Variants in MBD5 observed in about 807,000 individuals in gnomAD.
MBD5 encodes methyl-CpG binding domain protein 5, also known as methyl-CpG-binding domain protein 5.
In MBD5, 13 loss-of-function variants were observed where a neutral mutation model predicts 117.3. The observed-to-expected ratio is 0.11, with a 90% CI of 0.07 to 0.18. The LOEUF is 0.18. Among genes scored for constraint, MBD5 ranks in the 10% least tolerant of loss-of-function variants. The pLI, the probability that MBD5 is intolerant of heterozygous loss-of-function variation, is 1.00. For synonymous variants in MBD5, 727 were observed against 766.4 expected (o/e 0.95, Z 0.85); for missense variants, 1,879 against 2,093.8 (o/e 0.90, Z 2.00).
intron 4 of MBD5, among the ~76,000 whole-genome samples, chr2:148,385,879 AT>A (rs1266899165): frequency 6.7e-6 from 1 of 148,840 alleles, no homozygotes; most frequent in African/African-American, 2.5e-5. Flanking sequence ...CAAACACCAC[AT>A]GTTCTCACTC....
intron 1 of MBD5, among the ~76,000 whole-genome samples, chr2:148,069,774 T>C (rs1695302602): frequency 6.6e-6 from 1 of 152,156 alleles, no homozygotes; most frequent in African/African-American, 2.4e-5. Context: ...AGAAGCAAGA[T>C]TGTTAAGCCA....
intron 3 of MBD5, among the ~76,000 whole-genome samples, chr2:148,260,007 G>C (rs116149786): frequency 6.6e-6 from 1 of 152,146 alleles, no homozygotes; most frequent in Admixed American, 6.5e-5. Context: ...CCTCAATGTC[G>C]ACATCTGCTG....
chr2:148,287,363 A>C (rs1701389670), intron 3 of MBD5, among the ~76,000 whole-genome samples: 1 of 152,194 alleles, frequency 6.6e-6, no homozygotes, highest in Admixed American at 6.5e-5. Flanking sequence ...TGACCAACAA[A>C]ATTTTTGTCA....
chr2:148,462,047 G>T (rs1311624672), intron 5 of MBD5, among the ~76,000 whole-genome samples: 6 of 152,126 alleles, frequency 3.9e-5, no homozygotes, highest in African/African-American at 9.7e-5. Flanking sequence ...ACATGGGTAA[G>T]GGGGAGATAA....
intron 3 of MBD5, among the ~76,000 whole-genome samples, chr2:148,249,238 G>C (rs1700411104): frequency 6.6e-6 from 1 of 152,108 alleles, no homozygotes; most frequent in African/African-American, 2.4e-5. Context: ...ATTATTACAA[G>C]TTAGTATAAA....
rs1682354519 is a variant in MBD5 at position 148,516,946 on chromosome 2, T to C, written c.*4005T>C. ...TAACATCATGCCTTTATGGATTAAG[T>C]ATAAATACACTGGATTGTCTATGTA... On this transcript the variant is annotated 3_prime_UTR_variant, in exon 14 of 14. Transcript: ENST00000642680. 1 of 152,260 alleles carries C rather than the reference T, an allele frequency of 6.6e-6. No individual in the cohort carries two copies. Among genetic ancestry groups the C allele is most frequent in the Non-Finnish European group, 1.5e-5 (1 of 68,048 alleles). The allele number at this position is 152,260 out of a possible 1,614,324, so 9.4% of individuals were successfully genotyped here.
intron 4 of MBD5, among the ~76,000 whole-genome samples, chr2:148,434,077 G>C (rs1399620465): frequency 6.6e-6 from 1 of 151,794 alleles, no homozygotes; most frequent in African/African-American, 2.4e-5. Flanking sequence ...ACTCATTATT[G>C]GTCTGTTCAG....
At chr2:148,415,528 A>C (rs1705391311) in intron 4 of MBD5, among the ~76,000 whole-genome samples, 1 of 152,036 alleles carries the variant, frequency 6.6e-6, no homozygotes. Flanking sequence ...AGGTTTGGGA[A>C]ATTTTCATGG....
At chr2:148,260,917 T>C (rs1700716594) in intron 3 of MBD5, among the ~76,000 whole-genome samples, 1 of 152,204 alleles carries the variant, frequency 6.6e-6, no homozygotes, top group African/African-American at 2.4e-5. Flanking sequence ...TTGGCAAGCA[T>C]GAAAACACAT....
chr2:148,164,673 T>C (rs1343906894), intron 1 of MBD5, among the ~76,000 whole-genome samples: 1 of 152,230 alleles, frequency 6.6e-6, no homozygotes, highest in Non-Finnish European at 1.5e-5. Flanking sequence ...TAATTCTTGC[T>C]AAACTATAAG....
intron 1 of MBD5, among the ~76,000 whole-genome samples, chr2:148,057,617 T>G (rs1055796962): frequency 4.6e-5 from 7 of 151,958 alleles, no homozygotes; most frequent in Non-Finnish European, 7.4e-5. Flanking sequence ...ATTATAATTC[T>G]TAGAAACCCA....
intron 3 of MBD5, among the ~76,000 whole-genome samples, chr2:148,318,041 A>G (rs988341224): frequency 1.3e-5 from 2 of 152,212 alleles, no homozygotes; most frequent in African/African-American, 4.8e-5. Context: ...ACCAATTTCC[A>G]TAAAGGTTGT....
chr2:148,364,771 C>G (rs1374464886), intron 4 of MBD5, among the ~76,000 whole-genome samples: 1 of 152,162 alleles, frequency 6.6e-6, no homozygotes, highest in African/African-American at 2.4e-5. Flanking sequence ...GTAAAGGGAT[C>G]AATGCAACAA....
intron 3 of MBD5, among the ~76,000 whole-genome samples, chr2:148,297,775 G>C (rs1196136214): frequency 6.6e-6 from 1 of 151,642 alleles, no homozygotes. Flanking sequence ...CTACTACTTA[G>C]CTTATTTCTC....
chr2:148,497,998 G>A (rs548494780), intron 11 of MBD5, among the ~76,000 whole-genome samples: 18 of 152,220 alleles, frequency 1.2e-4, no homozygotes, highest in East Asian at 1.2e-3. Flanking sequence ...CAGAGAAGTG[G>A]CATCCCAAAG....
At chr2:148,151,384 G>A (rs1478251212) in intron 1 of MBD5, among the ~76,000 whole-genome samples, 2 of 152,086 alleles carry the variant, frequency 1.3e-5, no homozygotes, top group Non-Finnish European at 2.9e-5. Context: ...GTTCATCAAG[G>A]ATATTGGTCT....
rs981580097 is a variant in MBD5, at chr2:148,445,350, T to C, written c.-556-12853T>C. ...CCCTTGCTGTGTCCAAATGTTCTCA[T>C]TGTTCAGTTCTCACCTATGAGTGAG... On this transcript the variant is annotated intron_variant, in intron 4 of 13. Coordinates refer to ENST00000642680, the MANE Select transcript of MBD5 (RefSeq NM_001378120.1). Among the ~76,000 whole-genome samples the C allele has an allele frequency of 2.7e-5, 4 of 150,412 alleles. No homozygotes were observed. The South Asian group carries it at 6.3e-4, about 24-fold the overall frequency.
Position 148,159,012 on chromosome 2 carries a change from G to A in MBD5, c.-924-19688G>A, listed in dbSNP as rs150152085. The stretch of plus-strand genomic sequence containing the variant: ...GCTGGGATTACAGGCGTGAACCACC[G>A]TGCCCGGCCCCATTATTTCCTGTAA... On this transcript the variant is annotated intron_variant, in intron 1 of 13. Transcript: ENST00000642680. Among the ~76,000 whole-genome samples, 310 of 152,112 alleles carry A rather than the reference G, an allele frequency of 2.0e-3. 1 individual carries two copies. Among genetic ancestry groups the A allele is most frequent in the Middle Eastern group, 0.014 (4 of 294 alleles).
At position 148,242,686 on chromosome 2, in the gene MBD5, T is replaced by TA. The variant is rs200474362; in HGVS notation, c.-680+9297dup. Among the ~76,000 whole-genome samples the TA allele has an allele frequency of 9.3e-3, 1,411 of 152,270 alleles. 18 individuals carry two copies. Among genetic ancestry groups the TA allele is most frequent in the African/African-American group, 0.032 (1,350 of 41,564 alleles). ...TGTATGTGATCAGTGAAGAATGTAT[T>TA]AAAAAACTACCACTATATAATGAGC... On this transcript the variant is annotated intron_variant, in intron 3 of 13. Transcript: ENST00000642680.
Sources: allele counts gnomAD v4.1 joint callset (sites outside exome capture counted in the v4.1 genomes callset), GRCh38; gene constraint gnomAD v4.1.1; transcripts MANE v1.5; gene names NCBI Gene and HGNC (gene_info 2026-07-23, HGNC 2026-07-21).